The following PLGRKT variants were observed in gnomAD, a reference collection of about 807,000 sequenced individuals.
PLGRKT encodes plasminogen receptor with a C-terminal lysine, also known as plasminogen receptor (KT).
In PLGRKT, 22 loss-of-function variants were observed where a neutral mutation model predicts 18.5. That is an observed-to-expected ratio of 1.19 (90% confidence interval 0.85 to 1.70). PLGRKT has a LOEUF of 1.70. Among genes scored for constraint, PLGRKT ranks in the 40% most tolerant of loss-of-function variants. The pLI, the probability that PLGRKT is intolerant of heterozygous loss-of-function variation, is 0.00. For synonymous variants in PLGRKT, 72 were observed against 52.8 expected (o/e 1.36, Z -1.58); for missense variants, 235 against 174.4 (o/e 1.35, Z -1.96).
chr9:5,402,797 AG>A (rs1260694060), intron 3 of PLGRKT, among the ~76,000 whole-genome samples: 1 of 152,008 alleles, frequency 6.6e-6, no homozygotes, highest in African/African-American at 2.4e-5. Context: ...AAAGTGTAAA[AG>A]TAGGACAGCA....
rs1193569527 is a variant in PLGRKT at position 5,418,041 on chromosome 9, G to C, written c.81+13856C>G. 6.6e-6 allele frequency among the ~76,000 whole-genome samples: 1 copy of C among 152,152 alleles called. No individual in the cohort carries two copies. The highest frequency in any genetic ancestry group is 6.5e-5 in the Admixed American group (1 of 15,276). ...AGATCACATTGTACGCACTTGTGGAGTTTAACGTCTAAGTAGAATATGTCT... is the reference window on the plus strand; with the variant it reads ...AGATCACATTGTACGCACTTGTGGACTTTAACGTCTAAGTAGAATATGTCT... On this transcript the variant is annotated intron_variant, in intron 3 of 5. Transcript: ENST00000223864. This position sits in a 1 kb window ranked among gnomAD's most constrained non-coding sequence, Gnocchi z 4.2.
chr9:5,384,832 C>G (rs7027829), intron 3 of PLGRKT, among the ~76,000 whole-genome samples: 1 of 151,876 alleles, frequency 6.6e-6, no homozygotes, highest in African/African-American at 2.4e-5. Flanking sequence ...TCACACACAG[C>G]AAGTGCCTAA....
chr9:5,429,472 A>T (rs1183457315), intron 3 of PLGRKT, among the ~76,000 whole-genome samples: 1 of 152,200 alleles, frequency 6.6e-6, no homozygotes, highest in Non-Finnish European at 1.5e-5. Flanking sequence ...ATCTAAAATC[A>T]AGGTGTCTGC....
intron 3 of PLGRKT, 140 bp downstream of exon 3, chr9:5,431,757 G>C: frequency 3.4e-6 from 2 of 583,068 alleles, no homozygotes; most frequent in Non-Finnish European, 6.2e-6. Flanking sequence ...TAATTAGTAA[G>C]CCATTTTATC....
intron 3 of PLGRKT, among the ~76,000 whole-genome samples, chr9:5,370,688 A>C (rs1269280417): frequency 6.6e-6 from 1 of 152,220 alleles, no homozygotes; most frequent in Non-Finnish European, 1.5e-5. Context: ...AAATGAGAGT[A>C]TTTTATATTT....
chr9:5,425,232 G>A (rs1563790324), intron 3 of PLGRKT, among the ~76,000 whole-genome samples: 1 of 152,262 alleles, frequency 6.6e-6, no homozygotes, highest in Admixed American at 6.5e-5. Flanking sequence ...GTGCCTCCTA[G>A]TGGCATTTTA....
intron 3 of PLGRKT, among the ~76,000 whole-genome samples, chr9:5,416,667 G>C (rs1052178989): frequency 2.0e-5 from 3 of 152,092 alleles, no homozygotes; most frequent in African/African-American, 7.2e-5. Flanking sequence ...AAAGCTTTCT[G>C]ATGGTTACTG....
At chr9:5,408,219 T>C (rs1818292521) in intron 3 of PLGRKT, among the ~76,000 whole-genome samples, 1 of 152,190 alleles carries the variant, frequency 6.6e-6, no homozygotes, top group Non-Finnish European at 1.5e-5. Flanking sequence ...GACAGAAGGA[T>C]GACGGAAAGT....
chr9:5,382,201 G>C (rs929381139), intron 3 of PLGRKT, among the ~76,000 whole-genome samples: 11 of 152,228 alleles, frequency 7.2e-5, no homozygotes, highest in Non-Finnish European at 1.5e-4. Flanking sequence ...CGGATGCTAA[G>C]GATGGAAGAC....
At chr9:5,425,233 T>C (rs1818673216) in intron 3 of PLGRKT, among the ~76,000 whole-genome samples, 1 of 152,176 alleles carries the variant, frequency 6.6e-6, no homozygotes, top group South Asian at 2.1e-4. Flanking sequence ...TGCCTCCTAG[T>C]GGCATTTTAA....
In PLGRKT at chr9:5,391,369, C is replaced by T. The variant is rs990119364; in HGVS notation, c.82-29481G>A. ...AGCTAAGATAAGAAAAGAAAGTCAT[C>T]CTGCTGCAATACTAATTTCACCTAG... On this transcript the variant is annotated intron_variant, in intron 3 of 5. Transcript: ENST00000223864. 3.3e-5 allele frequency among the ~76,000 whole-genome samples: 5 copies of T among 151,930 alleles called. 1 individual carries two copies. Among genetic ancestry groups the T allele is most frequent in the African/African-American group, 1.2e-4 (5 of 41,210 alleles).
At chr9:5,424,215 T>C (rs1477576977) in intron 3 of PLGRKT, among the ~76,000 whole-genome samples, 2 of 138,120 alleles carry the variant, frequency 1.4e-5, no homozygotes, top group Non-Finnish European at 3.0e-5. Flanking sequence ...ATATGTAATA[T>C]GTAATATATA....
At chr9:5,374,159 T>G (rs1817582074) in intron 3 of PLGRKT, among the ~76,000 whole-genome samples, 1 of 152,206 alleles carries the variant, frequency 6.6e-6, no homozygotes, top group Non-Finnish European at 1.5e-5. Flanking sequence ...GGATCTCCAC[T>G]GGGAAATGGA....
chr9:5,377,503 T>G (rs1392583996), intron 3 of PLGRKT, among the ~76,000 whole-genome samples: 1 of 152,194 alleles, frequency 6.6e-6, no homozygotes, highest in Non-Finnish European at 1.5e-5. Context: ...CTAACAATAT[T>G]TTTTAAAAGA....
At chr9:5,404,939 G>A (rs1472986123) in intron 3 of PLGRKT, among the ~76,000 whole-genome samples, 1 of 152,068 alleles carries the variant, frequency 6.6e-6, no homozygotes, top group Non-Finnish European at 1.5e-5. Flanking sequence ...GTCTGAGGAT[G>A]CAAAATCAAT....
chr9:5,409,879 T>G (rs1487423940), intron 3 of PLGRKT, among the ~76,000 whole-genome samples: 1 of 152,226 alleles, frequency 6.6e-6, no homozygotes, highest in African/African-American at 2.4e-5. Context: ...CCAATGTATC[T>G]TGGAATAATG....
intron 3 of PLGRKT, among the ~76,000 whole-genome samples, chr9:5,402,677 T>C (rs1172082898): frequency 2.0e-5 from 3 of 151,920 alleles, no homozygotes. Context: ...TGGTAGGACA[T>C]CAAACAGAGA....
chr9:5,394,138 G>T (rs912777056), intron 3 of PLGRKT, among the ~76,000 whole-genome samples: 2 of 151,796 alleles, frequency 1.3e-5, no homozygotes, highest in Non-Finnish European at 2.9e-5. Flanking sequence ...CCTTTCGGAA[G>T]TGAAAGTTTC....
chr9:5,395,583 C>G (rs1271239894), intron 3 of PLGRKT, among the ~76,000 whole-genome samples: 1 of 151,864 alleles, frequency 6.6e-6, no homozygotes, highest in Non-Finnish European at 1.5e-5. Flanking sequence ...GCAGGTGAAA[C>G]AAGCATTAAA....
Sources: allele counts gnomAD v4.1 joint callset (sites outside exome capture counted in the v4.1 genomes callset), GRCh38; gene constraint gnomAD v4.1.1; non-coding constraint Gnocchi (gnomAD v3.1); transcripts MANE v1.5; gene names NCBI Gene and HGNC (gene_info 2026-07-23, HGNC 2026-07-21).